FRMD4B: variants seen among roughly 807,000 people sequenced by gnomAD.
FRMD4B encodes the protein FERM domain-containing protein 4B.
Under a neutral mutation model 141.5 loss-of-function variants are expected in FRMD4B, and 74 were observed. That is an observed-to-expected ratio of 0.52 (90% CI 0.43 to 0.63). FRMD4B has a LOEUF of 0.63. Among genes scored for constraint, FRMD4B ranks in the 30% least tolerant of loss-of-function variants. The pLI is 0.00. For missense variants in FRMD4B, 1,366 were observed against 1,253.4 expected (o/e 1.09, Z -1.36); for synonymous variants, 506 against 467.9 (o/e 1.08, Z -1.05).
intron 1 of FRMD4B, among the ~76,000 whole-genome samples, chr3:69,344,036 G>A (rs1425315670): frequency 6.6e-6 from 1 of 152,178 alleles, no homozygotes; most frequent in East Asian, 1.9e-4. Context: ...CACATTGCTG[G>A]TGCAGTACAT....
intron 9 of FRMD4B, among the ~76,000 whole-genome samples, chr3:69,220,568 G>A (rs2093184132): frequency 6.6e-6 from 1 of 152,200 alleles, no homozygotes; most frequent in African/African-American, 2.4e-5. Context: ...AACAAGATTA[G>A]AGGCTAGGCA....
At chr3:69,495,079 G>A (rs936710302) in intron 1 of FRMD4B, among the ~76,000 whole-genome samples, 2 of 152,238 alleles carry the variant, frequency 1.3e-5, no homozygotes, top group Middle Eastern at 3.4e-3. Context: ...TGGTTGCAAG[G>A]TATAGACTTG....
chr3:69,313,052 G>A (rs1255442543), intron 2 of FRMD4B, among the ~76,000 whole-genome samples: 1 of 152,172 alleles, frequency 6.6e-6, no homozygotes, highest in Non-Finnish European at 1.5e-5. Flanking sequence ...CTTGCACAAT[G>A]CCATGTAGCT....
At position 69,215,345 on chromosome 3, in the gene FRMD4B, T is replaced by A. The variant is rs375455422; in HGVS notation, c.876+918A>T. On this transcript the variant is annotated intron_variant, in intron 11 of 22. Transcript: ENST00000398540. ...TCTCTCTCTGTTGCCCAGGCTGGAGTGCGGTGGCACAATCTTGTCTCACTG... is the reference window on the plus strand; with the variant it reads ...TCTCTCTCTGTTGCCCAGGCTGGAGAGCGGTGGCACAATCTTGTCTCACTG... Among the ~76,000 whole-genome samples the A allele has an allele frequency of 3.7e-5, 5 of 135,688 alleles. No individual in the cohort carries two copies. In the East Asian group the frequency reaches 1.1e-3, roughly 30 times the overall value. 89.0% of individuals were successfully genotyped at this position (135,688 alleles called of 152,430 possible).
chr3:69,266,486 T>G, intron 5 of FRMD4B, among the ~76,000 whole-genome samples: 1 of 152,030 alleles, frequency 6.6e-6, no homozygotes, highest in Non-Finnish European at 1.5e-5. Flanking sequence ...CCACCACGCC[T>G]GGCTAATTTT....
chr3:69,418,096 T>G (rs958189438), intron 2 of FRMD4B, among the ~76,000 whole-genome samples: 1 of 152,186 alleles, frequency 6.6e-6, no homozygotes, highest in Non-Finnish European at 1.5e-5. Flanking sequence ...TGTATATATA[T>G]GGTAACATTT....
intron 11 of FRMD4B, among the ~76,000 whole-genome samples, chr3:69,211,023 G>GAAAAAAAAAAAAAAA (rs541259572): frequency 5.8e-5 from 5 of 85,826 alleles, no homozygotes; most frequent in East Asian, 3.1e-4. Flanking sequence ...ATGCCATCTC[G>GAAAAAAAAAAAAAAA]AAAAAAAAAA....
chr3:69,200,610 C>G, intron 11 of FRMD4B: 2 of 1,194,668 alleles, frequency 1.7e-6, no homozygotes, highest in Non-Finnish European at 2.1e-6. Flanking sequence ...TGAGTGACAC[C>G]TCCCTAATTC....
At chr3:69,180,407 G>A (rs2092693093) in intron 21 of FRMD4B, among the ~76,000 whole-genome samples, 1 of 152,094 alleles carries the variant, frequency 6.6e-6, no homozygotes, top group Non-Finnish European at 1.5e-5. Context: ...CAATCTTGGT[G>A]GTGAACCAGG....
chr3:69,339,283 T>G (rs1575745200), intron 1 of FRMD4B, among the ~76,000 whole-genome samples: 1 of 152,128 alleles, frequency 6.6e-6, no homozygotes, highest in Non-Finnish European at 1.5e-5. Context: ...ATCCATAAAA[T>G]AAGAAGTTCC....
chr3:69,454,347 G>A (rs1705550919), intron 1 of FRMD4B, among the ~76,000 whole-genome samples: 1 of 152,260 alleles, frequency 6.6e-6, no homozygotes, highest in Non-Finnish European at 1.5e-5. Flanking sequence ...CACTTGAGGA[G>A]CACTTCAGCC....
At chr3:69,294,948 G>A (rs1391891773) in intron 4 of FRMD4B, among the ~76,000 whole-genome samples, 1 of 152,216 alleles carries the variant, frequency 6.6e-6, no homozygotes. Flanking sequence ...GAATGGGTCA[G>A]ACCCAAGCCA....
chr3:69,479,332 C>T (rs897754696), intron 1 of FRMD4B, among the ~76,000 whole-genome samples: 1 of 151,322 alleles, frequency 6.6e-6, no homozygotes, highest in Non-Finnish European at 1.5e-5. Flanking sequence ...CATGATTTTG[C>T]AGTGGCTGGT....
intron 1 of FRMD4B, among the ~76,000 whole-genome samples, chr3:69,351,754 C>T (rs1252448545): frequency 1.3e-5 from 2 of 152,176 alleles, no homozygotes; most frequent in Non-Finnish European, 2.9e-5. Context: ...CTGTGCCCTG[C>T]CCCTAACGGG....
intron 1 of FRMD4B, among the ~76,000 whole-genome samples, chr3:69,483,365 T>G (rs1457276052): frequency 1.3e-5 from 2 of 152,248 alleles, no homozygotes; most frequent in Non-Finnish European, 2.9e-5. Flanking sequence ...AAGATTGTAT[T>G]TTCCCTTATG....
intron 3 of FRMD4B, among the ~76,000 whole-genome samples, 158 bp from the exon 4 acceptor site, chr3:69,302,593 T>C (rs893626786): frequency 2.6e-5 from 4 of 152,264 alleles, no homozygotes; most frequent in Non-Finnish European, 2.9e-5. Context: ...CAGCAATTTC[T>C]TTCAAAACTA....
At chr3:69,518,112 C>A (rs1045757132) in intron 1 of FRMD4B, among the ~76,000 whole-genome samples, 1 of 152,086 alleles carries the variant, frequency 6.6e-6, no homozygotes, top group Non-Finnish European at 1.5e-5. Flanking sequence ...TGACCCCTAG[C>A]AAATAGGAGA....
intron 1 of FRMD4B, among the ~76,000 whole-genome samples, chr3:69,456,484 TAAAGG>T (rs149805706): frequency 0.012 from 1,788 of 152,202 alleles, 29 homozygotes; most frequent in African/African-American, 0.041. Flanking sequence ...TAAATGCCCG[TAAAGG>T]AGAGATTGGT....
chr3:69,349,002 G>A (rs1703042792), intron 1 of FRMD4B, among the ~76,000 whole-genome samples: 1 of 152,156 alleles, frequency 6.6e-6, no homozygotes, highest in Non-Finnish European at 1.5e-5. Context: ...AGAAATAAAG[G>A]TATTCATTTA....
Sources: gnomAD v4.1 joint callset for allele counts (sites outside exome capture counted in the v4.1 genomes callset) on GRCh38, gnomAD v4.1.1 for gene constraint, MANE v1.5 for transcripts, NCBI Gene and HGNC (gene_info 2026-07-23, HGNC 2026-07-21) for gene names.